BMPR1B: variants seen among roughly 807,000 people sequenced by gnomAD.
BMPR1B encodes bone morphogenetic protein receptor type 1B, also known as bone morphogenetic protein receptor type-1B.
Under a neutral mutation model 59.1 loss-of-function variants are expected in BMPR1B, and 12 were observed. The observed-to-expected ratio is 0.20, with a 90% confidence interval of 0.13 to 0.33. The LOEUF (loss-of-function observed/expected upper bound fraction) is 0.33. Ranked by LOEUF, BMPR1B falls within the 10% of genes least tolerant of loss-of-function variation. The pLI, the probability that BMPR1B is intolerant of heterozygous loss-of-function variation, is 1.00. For synonymous variants in BMPR1B, 237 were observed against 207.3 expected, an observed-to-expected ratio of 1.14 and a Z score of -1.23; for missense variants, 550 against 610.9, an observed-to-expected ratio of 0.90 and a Z score of 1.05.
chr4:94,912,987 A>C (rs1293557816), intron 2 of BMPR1B, among the ~76,000 whole-genome samples: 1 of 151,776 alleles, frequency 6.6e-6, no homozygotes, highest in African/African-American at 2.4e-5. Flanking sequence ...GCCAATTTTC[A>C]ATGTCAGTTT....
chr4:95,024,042 A>G (rs1422312518), intron 3 of BMPR1B, among the ~76,000 whole-genome samples: 2 of 152,146 alleles, frequency 1.3e-5, no homozygotes, highest in African/African-American at 4.8e-5. Context: ...AGGCCACTCC[A>G]AAAATATATT....
chr4:95,026,097 CATTTCTTTCTTTCTTT>C (rs1724339482), intron 3 of BMPR1B, among the ~76,000 whole-genome samples: 1 of 23,882 alleles, frequency 4.2e-5, no homozygotes, highest in East Asian at 1.0e-3. Flanking sequence ...TGCTTTCTTT[CATTTCTTTCTTTCTTT>C]CTTTCTTTCT....
intron 3 of BMPR1B, chr4:94,996,527 T>G (rs543101833): frequency 1.3e-5 from 2 of 152,338 alleles, no homozygotes; most frequent in Admixed American, 6.5e-5. Flanking sequence ...AAGGGAAACA[T>G]TCAGATGAAC....
intron 7 of BMPR1B, among the ~76,000 whole-genome samples, 169 bp from the exon 8 acceptor site, chr4:95,124,814 T>G (rs182625151): frequency 6.6e-6 from 1 of 152,264 alleles, no homozygotes; most frequent in Admixed American, 6.5e-5. Flanking sequence ...AGCCAAACAG[T>G]AATGAGTTTT....
At chr4:95,110,260 T>C (rs192305948) in intron 4 of BMPR1B, among the ~76,000 whole-genome samples, 46 of 152,002 alleles carry the variant, frequency 3.0e-4, no homozygotes, top group Non-Finnish European at 5.4e-4. Flanking sequence ...GTGGTGAGGG[T>C]CCGCATTGGG....
intron 1 of BMPR1B, among the ~76,000 whole-genome samples, chr4:94,758,662 C>T (rs1369844279): frequency 1.3e-5 from 2 of 152,168 alleles, no homozygotes; most frequent in Non-Finnish European, 2.9e-5. Context: ...GGCTCCGTCT[C>T]TGCTTCAGTT....
At chr4:94,829,452 A>C (rs1015540432) in intron 1 of BMPR1B, among the ~76,000 whole-genome samples, 1 of 151,702 alleles carries the variant, frequency 6.6e-6, no homozygotes, top group African/African-American at 2.4e-5. Flanking sequence ...TTTTGTAGAA[A>C]CAGGGTTTTG....
intron 1 of BMPR1B, among the ~76,000 whole-genome samples, chr4:94,803,889 ATT>A (rs1553907342): frequency 6.6e-6 from 1 of 151,926 alleles, no homozygotes; most frequent in Non-Finnish European, 1.5e-5. Flanking sequence ...TTATTTATTT[ATT>A]TTTTTGAGAT....
At chr4:95,096,662 G>A (rs1461808540) in intron 3 of BMPR1B, among the ~76,000 whole-genome samples, 3 of 147,130 alleles carry the variant, frequency 2.0e-5, no homozygotes, top group Admixed American at 1.4e-4. Flanking sequence ...TTATTATCAT[G>A]ATAATTTAGT....
At chr4:95,031,863 G>T (rs527736357) in intron 3 of BMPR1B, among the ~76,000 whole-genome samples, 1 of 152,064 alleles carries the variant, frequency 6.6e-6, no homozygotes, top group Non-Finnish European at 1.5e-5. Flanking sequence ...GGAGTTCAAG[G>T]CTCCAGTGAG....
chr4:94,910,271 G>A (rs1478631093), intron 2 of BMPR1B, among the ~76,000 whole-genome samples: 1 of 151,932 alleles, frequency 6.6e-6, no homozygotes, highest in African/African-American at 2.4e-5. Flanking sequence ...AAACCTTTTG[G>A]CCTCATTAGA....
chr4:94,809,180 A>C (rs1329971506), intron 1 of BMPR1B, among the ~76,000 whole-genome samples: 1 of 152,174 alleles, frequency 6.6e-6, no homozygotes, highest in Non-Finnish European at 1.5e-5. Flanking sequence ...TTTTAGAGTC[A>C]CACTGGGCTG....
intron 1 of BMPR1B, among the ~76,000 whole-genome samples, chr4:94,821,468 A>G (rs1053681077): frequency 5.9e-5 from 9 of 152,084 alleles, no homozygotes; most frequent in African/African-American, 2.2e-4. Context: ...TAAAATTTTA[A>G]TTTTTTTACT....
chr4:94,981,112 C>G (rs1192280637), intron 2 of BMPR1B, among the ~76,000 whole-genome samples: 1 of 152,040 alleles, frequency 6.6e-6, no homozygotes. Context: ...CTTGAAATTC[C>G]CTTAGATAAA....
At chr4:95,104,115 TTGTCTATATAATGTCTCA>T (rs1183113058) in intron 3 of BMPR1B, among the ~76,000 whole-genome samples, 4 of 151,958 alleles carry the variant, frequency 2.6e-5, no homozygotes, top group Non-Finnish European at 5.9e-5. Context: ...ATAGTAGAGG[TTGTCTATATAATGTCTCA>T]TTGAGCTCCT....
At chr4:94,963,665 A>G (rs1347007054) in intron 2 of BMPR1B, among the ~76,000 whole-genome samples, 1 of 152,062 alleles carries the variant, frequency 6.6e-6, no homozygotes, top group Non-Finnish European at 1.5e-5. Flanking sequence ...TTGTGGAACT[A>G]GTTATGGGTT....
At chr4:94,823,312 A>G (rs1213573280) in intron 1 of BMPR1B, among the ~76,000 whole-genome samples, 2 of 152,152 alleles carry the variant, frequency 1.3e-5, no homozygotes, top group Admixed American at 6.5e-5. Context: ...TTTGCTTTTG[A>G]GGGGTCAGTG....
chr4:94,979,879 G>C (rs191330361), intron 2 of BMPR1B, among the ~76,000 whole-genome samples: 1 of 152,294 alleles, frequency 6.6e-6, no homozygotes, highest in East Asian at 1.9e-4. Flanking sequence ...GTCTGCATAG[G>C]CTGGATCCTG....
intron 2 of BMPR1B, among the ~76,000 whole-genome samples, chr4:94,890,037 C>T (rs906852443): frequency 1.3e-5 from 2 of 152,002 alleles, no homozygotes; most frequent in Non-Finnish European, 2.9e-5. Flanking sequence ...CTAGCAAGTG[C>T]GTTTTGCTGT....
Sources: allele counts gnomAD v4.1 joint callset (sites outside exome capture counted in the v4.1 genomes callset), GRCh38; gene constraint gnomAD v4.1.1; transcripts MANE v1.5; gene names NCBI Gene and HGNC (gene_info 2026-07-23, HGNC 2026-07-21).